MSRB3: variants seen among roughly 807,000 people sequenced by gnomAD.
MSRB3 encodes methionine sulfoxide reductase B3.
Under a neutral mutation model 21.0 loss-of-function variants are expected in MSRB3, and 13 were observed. That is an observed-to-expected ratio of 0.62 (90% CI 0.40 to 0.98). The LOEUF is 0.98. Among genes scored for constraint, MSRB3 ranks in the 50% least tolerant of loss-of-function variants. The pLI is 0.00. For synonymous variants in MSRB3, 87 were observed against 88.6 expected (o/e 0.98, Z 0.10); for missense variants, 199 against 230.3 (o/e 0.86, Z 0.88).
At chr12:65,463,023 AT>A in intron 6 of MSRB3, 131 bp from the exon 7 acceptor site, 1 of 1,134,002 alleles carries the variant, frequency 8.8e-7, no homozygotes, top group Non-Finnish European at 1.3e-6. Flanking sequence ...TGACAGGCGG[AT>A]TAGAAATCAT....
rs368104588 is a variant in MSRB3 at position 65,278,850 on chromosome 12, G to C, written c.-67G>C. ...CTGCCTCTGCCTGGCCGCGGCTCTG[G>C]GAAGTGCGCAGTCCGGTAAGTTCGG... On this transcript the variant is annotated 5_prime_UTR_variant, in exon 1 of 7. Coordinates refer to ENST00000308259, the MANE Select transcript of MSRB3 (RefSeq NM_001031679.3). 9.0e-5 allele frequency: 140 copies of C among 1,562,098 alleles called. 2 individuals are homozygous for C. The East Asian group carries it at 2.5e-3, about 28-fold the overall frequency.
intron 1 of MSRB3, among the ~76,000 whole-genome samples, chr12:65,297,908 G>A (rs1279435138): frequency 1.3e-5 from 2 of 152,146 alleles, no homozygotes; most frequent in African/African-American, 4.8e-5. Context: ...AAAATTGACA[G>A]CACTTAGTAT....
At chr12:65,302,038 A>G (rs939958417) in intron 1 of MSRB3, among the ~76,000 whole-genome samples, 5 of 152,140 alleles carry the variant, frequency 3.3e-5, no homozygotes, top group Non-Finnish European at 7.4e-5. Flanking sequence ...TTCAGGTTAA[A>G]ATAAAGTTTT....
At chr12:65,293,024 A>G (rs1479470907) in intron 1 of MSRB3, among the ~76,000 whole-genome samples, 3 of 152,174 alleles carry the variant, frequency 2.0e-5, no homozygotes, top group Non-Finnish European at 4.4e-5. Flanking sequence ...TTGCCTCTAT[A>G]TTATCTCCAT....
chr12:65,291,738 C>T (rs1166918496), intron 1 of MSRB3, among the ~76,000 whole-genome samples: 1 of 152,064 alleles, frequency 6.6e-6, no homozygotes, highest in Admixed American at 6.5e-5. Flanking sequence ...AGTAAGTAGA[C>T]TATTTTGTGG....
chr12:65,295,090 A>G (rs1371680659), intron 1 of MSRB3, among the ~76,000 whole-genome samples: 1 of 152,210 alleles, frequency 6.6e-6, no homozygotes, highest in Non-Finnish European at 1.5e-5. Flanking sequence ...CGCAACTGCC[A>G]AAGTGCTGAG....
chr12:65,387,516 T>C (rs1879253574), intron 5 of MSRB3, among the ~76,000 whole-genome samples: 1 of 152,214 alleles, frequency 6.6e-6, no homozygotes, highest in Non-Finnish European at 1.5e-5. Context: ...TGACTGTTTA[T>C]AATTCCTTTG....
intron 2 of MSRB3, among the ~76,000 whole-genome samples, chr12:65,315,372 T>TA (rs1185035887): frequency 1.3e-5 from 2 of 152,114 alleles, no homozygotes; most frequent in African/African-American, 4.8e-5. Flanking sequence ...ATGCGTGTTA[T>TA]AAAAAATACA....
At chr12:65,419,925 G>C in intron 5 of MSRB3, 1 of 590,412 alleles carries the variant, frequency 1.7e-6, no homozygotes, top group Non-Finnish European at 3.3e-6. Flanking sequence ...GACGTTGGTT[G>C]TGCTGCTGAC....
intron 4 of MSRB3, among the ~76,000 whole-genome samples, chr12:65,356,246 G>A (rs1877376991): frequency 6.6e-6 from 1 of 151,834 alleles, no homozygotes; most frequent in African/African-American, 2.4e-5. Context: ...TGATTCATGT[G>A]TTCAGAGATA....
At chr12:65,329,414 C>T (rs1173337717) in intron 4 of MSRB3, among the ~76,000 whole-genome samples, 2 of 152,052 alleles carry the variant, frequency 1.3e-5, no homozygotes, top group Non-Finnish European at 2.9e-5. Context: ...CTTTGGGAGG[C>T]CAAGACGGGT....
intron 4 of MSRB3, among the ~76,000 whole-genome samples, chr12:65,346,261 T>G (rs1876497540): frequency 6.6e-6 from 1 of 152,206 alleles, no homozygotes; most frequent in Non-Finnish European, 1.5e-5. Flanking sequence ...TTCCTGACTT[T>G]TTAATGATTG....
intron 6 of MSRB3, among the ~76,000 whole-genome samples, chr12:65,461,244 G>C (rs1883316831): frequency 6.6e-6 from 1 of 152,162 alleles, no homozygotes; most frequent in African/African-American, 2.4e-5. Flanking sequence ...AGGCAGAAAT[G>C]GGTGTTTCCT....
intron 4 of MSRB3, among the ~76,000 whole-genome samples, chr12:65,331,099 G>A (rs938886173): frequency 6.6e-6 from 1 of 152,068 alleles, no homozygotes; most frequent in Admixed American, 6.5e-5. Flanking sequence ...TACATTTTAC[G>A]TATGTGTAAA....
intron 1 of MSRB3, among the ~76,000 whole-genome samples, chr12:65,287,781 C>T (rs1872456503): frequency 6.6e-6 from 1 of 152,062 alleles, no homozygotes; most frequent in Non-Finnish European, 1.5e-5. Context: ...TGTTTACCTG[C>T]GTGCAGAGCC....
At chr12:65,427,431 T>C (rs77566776) in intron 5 of MSRB3, among the ~76,000 whole-genome samples, 2,050 of 152,278 alleles carry the variant, frequency 0.013, 40 homozygotes, top group East Asian at 0.05. Context: ...AGTGAGGGTT[T>C]CTGAGTTTTC....
intron 1 of MSRB3, among the ~76,000 whole-genome samples, chr12:65,288,650 T>G (rs962409339): frequency 1.3e-5 from 2 of 152,212 alleles, no homozygotes; most frequent in African/African-American, 4.8e-5. Context: ...CTAGAAATTA[T>G]GTCTTTCTAA....
intron 2 of MSRB3, among the ~76,000 whole-genome samples, chr12:65,315,366 G>A (rs1321103558): frequency 1.3e-5 from 2 of 151,698 alleles, no homozygotes; most frequent in African/African-American, 2.4e-5. Flanking sequence ...TTAAAAATGC[G>A]TGTTATAAAA....
intron 5 of MSRB3, among the ~76,000 whole-genome samples, chr12:65,386,059 A>C (rs1051230852): frequency 6.6e-6 from 1 of 151,944 alleles, no homozygotes; most frequent in Non-Finnish European, 1.5e-5. Flanking sequence ...TTACTTAAAA[A>C]TCATTTTTTA....
Sources: gnomAD v4.1 joint callset for allele counts (sites outside exome capture counted in the v4.1 genomes callset) on GRCh38, gnomAD v4.1.1 for gene constraint, MANE v1.5 for transcripts, NCBI Gene and HGNC (gene_info 2026-07-23, HGNC 2026-07-21) for gene names.